The following ZNF706 variants were observed in gnomAD, a reference collection of about 807,000 sequenced individuals.
ZNF706 encodes zinc finger protein 706.
A neutral mutation model predicts 9.2 loss-of-function variants in ZNF706; 4 were observed. The observed-to-expected ratio is 0.43, with a 90% CI of 0.21 to 0.99. The LOEUF (loss-of-function observed/expected upper bound fraction) is 0.99, where lower values mean the gene tolerates loss of function less well. Ranked by LOEUF, ZNF706 falls within the 50% of genes least tolerant of loss-of-function variation. The pLI, the probability that ZNF706 is intolerant of heterozygous loss-of-function variation, is 0.26. For missense variants in ZNF706, 27 were observed against 87.8 expected, an observed-to-expected ratio of 0.31 and a Z score of 2.77; for synonymous variants, 28 against 27.3, an observed-to-expected ratio of 1.03 and a Z score of -0.08.
At chr8:101,204,929 AGAG>A in intron 1 of ZNF706, 2 of 985,482 alleles carry the variant, frequency 2.0e-6, no homozygotes, top group Non-Finnish European at 2.4e-6. Flanking sequence ...TGGGGAGAGG[AGAG>A]GAGGAACGCA....
intron 1 of ZNF706, chr8:101,202,247 T>A (rs1199028155): frequency 1.6e-5 from 2 of 126,558 alleles, no homozygotes; most frequent in African/African-American, 3.0e-5. Context: ...AAGACCAGCC[T>A]GGCCAAGATG....
At chr8:101,204,896 C>T in intron 1 of ZNF706, 1 of 985,738 alleles carries the variant, frequency 1.0e-6, no homozygotes, top group South Asian at 4.7e-5. Context: ...ACATCCTGAC[C>T]CTAGCTTTTA....
At position 101,205,540 on chromosome 8, in the gene ZNF706, T is replaced by G. The variant is rs1437544431; in HGVS notation, c.-108A>C. The G allele has an allele frequency of 1.3e-5, 2 of 159,294 alleles. No individual in the cohort carries two copies. Among genetic ancestry groups the G allele is most frequent in the African/African-American group, 2.4e-5 (1 of 41,358 alleles). 9.9% of individuals were successfully genotyped at this position (159,294 alleles called of 1,614,324 possible). ...GAGCGCGCCCAGCACCGCTTGGGCC[T>G]CCTCCACCCGCTCAGGAGGGGAAAC... On this transcript the variant is annotated 5_prime_UTR_variant, in exon 1 of 4. Transcript: ENST00000311212. This position sits in a 1 kb window ranked among gnomAD's most constrained non-coding sequence, Gnocchi z 6.6.
chr8:101,201,517 C>G lies in ZNF706; in HGVS notation c.135+90G>C. On this transcript the variant is annotated intron_variant, in intron 2 of 3. Transcript: ENST00000311212. This position sits in a 1 kb window ranked among gnomAD's most constrained non-coding sequence, Gnocchi z 4.5. ...CTCAAACCTACTATTTCATGTAAAG[C>G]ATCTATTTTGCCATGGTTTCAAAAT... The G allele has an allele frequency of 8.9e-7, 1 of 1,120,830 alleles. No individual in the cohort carries two copies. The highest frequency in any genetic ancestry group is 1.3e-6 in the Non-Finnish European group (1 of 783,374). The allele number at this position is 1,120,830 out of a possible 1,614,324, so 69.4% of individuals were successfully genotyped here.
At chr8:101,199,471 A>G (rs1400511339) in intron 3 of ZNF706, among the ~76,000 whole-genome samples, 1 of 152,204 alleles carries the variant, frequency 6.6e-6, no homozygotes, top group Non-Finnish European at 1.5e-5. Flanking sequence ...AACCAAATGT[A>G]ATGTGTAAAG....
rs1262627598 is a variant in ZNF706, at chr8:101,205,248, T to C, written c.-3+187A>G. On this transcript the variant is annotated intron_variant, in intron 1 of 3. Coordinates refer to ENST00000311212, the MANE Select transcript of ZNF706 (RefSeq NM_016096.5). This position sits in a 1 kb window ranked among gnomAD's most constrained non-coding sequence, Gnocchi z 6.6. ...GCGGCTGGCCTGCGACCCGGCCACC[T>C]GCAGGGCCTGGCAGGCGCCCGAACT... is the stretch of plus-strand genomic sequence containing the variant. 6.6e-6 allele frequency: 1 copy of C among 151,878 alleles called. No homozygotes were observed. The allele number at this position is 151,878 out of a possible 1,614,324, so 9.4% of individuals were successfully genotyped here. A position where few individuals can be genotyped will look rare whatever the true frequency, so the allele number is the denominator to read the frequency against.
intron 1 of ZNF706, chr8:101,204,577 TC>T (rs1331373742): frequency 1.0e-6 from 1 of 970,752 alleles, no homozygotes; most frequent in Non-Finnish European, 1.2e-6. Flanking sequence ...TTCTACAAAA[TC>T]GTAGGCAGCT....
At chr8:101,206,044 T>C, upstream of ZNF706, 1 of 152,150 alleles carries the variant, frequency 6.6e-6, no homozygotes. Flanking sequence ...GCTGCGACCC[T>C]TTTCCCGCTC....
chr8:101,203,816 A>T (rs888894177), intron 1 of ZNF706: 14 of 152,236 alleles, frequency 9.2e-5, no homozygotes, highest in Admixed American at 5.2e-4. Flanking sequence ...TTTAAAAAAA[A>T]TTATTAATTC....
intron 1 of ZNF706, chr8:101,202,960 A>C (rs2129902544): frequency 6.6e-6 from 1 of 152,300 alleles, no homozygotes; most frequent in South Asian, 2.1e-4. Context: ...AACTACTGTT[A>C]TTAATTTTTT....
At chr8:101,199,551 A>G (rs914923219) in intron 3 of ZNF706, among the ~76,000 whole-genome samples, 7 of 152,204 alleles carry the variant, frequency 4.6e-5, no homozygotes, top group South Asian at 4.1e-4. Flanking sequence ...ATTTTGCCCT[A>G]TATTTTAATA....
chr8:101,199,950 C>A (rs1810499046), intron 3 of ZNF706, 40 bp downstream of exon 3: 7 of 1,426,342 alleles, frequency 4.9e-6, no homozygotes, highest in Non-Finnish European at 6.9e-6. Context: ...TTGTATACAA[C>A]CCTGTTATTA....
intron 1 of ZNF706, chr8:101,202,509 T>C (rs571138224): frequency 2.0e-5 from 3 of 152,130 alleles, no homozygotes; most frequent in African/African-American, 7.2e-5. Context: ...AACAACTTGG[T>C]TGTATCTCAA....
chr8:101,200,088 G>A lies in ZNF706; in HGVS notation c.145C>T (p.Pro49Ser). Residue 49 changes from proline to serine, a missense_variant, in exon 3 of 4, where the codon CCA becomes TCA. By Grantham distance (74) the Pro-to-Ser change is moderately conservative (BLOSUM62 -1). Coordinates refer to ENST00000311212, the MANE Select transcript of ZNF706 (RefSeq NM_016096.5). ...YTCTVCRTQMPDPKTFKQHFE... is the reference protein window; with the variant it reads ...YTCTVCRTQMSDPKTFKQHFE... ...TGCTGCTTGAAGGTCTTAGGGTCTGGCATTTGTGTCTAACAAAAAATTGTG... is the reference window on the plus strand; with the variant it reads ...TGCTGCTTGAAGGTCTTAGGGTCTGACATTTGTGTCTAACAAAAAATTGTG... 6.2e-7 allele frequency: 1 copy of A among 1,612,238 alleles called. No individual in the cohort carries two copies. Among genetic ancestry groups the A allele is most frequent in the Non-Finnish European group, 8.5e-7 (1 of 1,179,362 alleles).
chr8:101,201,682 T>A lies in ZNF706; in HGVS notation c.60A>T (p.Gly20=). The part of the protein sequence containing the change: ...SQQKNAKKQA[G]QKKKQGHDQK... ...GGTCATGTCCTTGTTTCTTCTTTTGTCCAGCTTGCTTTTTGGCATTTTTCT... is the reference window on the plus strand; with the variant it reads ...GGTCATGTCCTTGTTTCTTCTTTTGACCAGCTTGCTTTTTGGCATTTTTCT... Residue 20 remains glycine (G), a synonymous_variant, in exon 2 of 4, where the codon GGA becomes GGT. Transcript: ENST00000311212. This position sits in a 1 kb window ranked among gnomAD's most constrained non-coding sequence, Gnocchi z 4.5. 1 of 1,613,734 alleles carries A rather than the reference T, an allele frequency of 6.2e-7. No homozygotes were observed. Among genetic ancestry groups the A allele is most frequent in the Non-Finnish European group, 8.5e-7 (1 of 1,180,028 alleles).
rs1810717397 is a variant in ZNF706 at position 101,205,313 on chromosome 8, GCCCCCCGCGA to G, written c.-3+112_-3+121del. 2 of 150,938 alleles carry G rather than the reference GCCCCCCGCGA, an allele frequency of 1.3e-5. No individual in the cohort carries two copies. The highest frequency in any genetic ancestry group is 1.5e-5 in the Non-Finnish European group (1 of 67,676). The allele number at this position is 150,938 out of a possible 1,614,324, so 9.3% of individuals were successfully genotyped here. On this transcript the variant is annotated intron_variant, in intron 1 of 3. Transcript: ENST00000311212. The surrounding 1 kb of genome is among the most constrained non-coding windows in gnomAD (Gnocchi z 6.6). ...GGCCCGCCCCGGGCCGGGCCCTGCCGCCCCCCGCGACCCCTCGCGACCCGCGGCGAGTCCC... is the reference window on the plus strand; with the variant it reads ...GGCCCGCCCCGGGCCGGGCCCTGCCGCCCCTCGCGACCCGCGGCGAGTCCC...
Position 101,201,554 on chromosome 8 carries a change from C to G in ZNF706, c.135+53G>C, listed in dbSNP as rs1810555213. The G allele has an allele frequency of 1.3e-6, 2 of 1,560,076 alleles. No individual in the cohort carries two copies. The highest frequency in any genetic ancestry group is 1.4e-5 in the African/African-American group (1 of 72,508). ...CATGGTTTCAAAATTTTAATCTATT[C>G]AAGCCAAAACTGCCCACGGGAGAGC... On this transcript the variant is annotated intron_variant, in intron 2 of 3. Transcript: ENST00000311212. The surrounding 1 kb of genome is among the most constrained non-coding windows in gnomAD (Gnocchi z 4.5).
intron 1 of ZNF706, chr8:101,204,702 A>G: frequency 1.0e-6 from 1 of 985,462 alleles, no homozygotes; most frequent in Non-Finnish European, 1.2e-6. Flanking sequence ...GGCTGCAAAG[A>G]GGGAAGTAGT....
chr8:101,204,831 G>A (rs1810693504), intron 1 of ZNF706: 6 of 985,366 alleles, frequency 6.1e-6, no homozygotes, highest in African/African-American at 1.7e-5. Flanking sequence ...TTGGGTCCAG[G>A]AAGTAGGCTC....
Sources: gnomAD v4.1 joint callset for allele counts (sites outside exome capture counted in the v4.1 genomes callset) on GRCh38, gnomAD v4.1.1 for gene constraint, Gnocchi (gnomAD v3.1) non-coding constraint, MANE v1.5 for transcripts, NCBI Gene and HGNC (gene_info 2026-07-23, HGNC 2026-07-21) for gene names.